Variants in CLDN10 observed in about 807,000 individuals in gnomAD.
CLDN10 encodes claudin-10.
In CLDN10, 15 loss-of-function variants were observed where a neutral mutation model predicts 22.9. The observed-to-expected ratio is 0.65, with a 90% CI of 0.44 to 1.01. The LOEUF is 1.01. Among genes scored for constraint, CLDN10 ranks in the 50% least tolerant of loss-of-function variants. The pLI, the probability that CLDN10 is intolerant of heterozygous loss-of-function variation, is 0.00. For missense variants in CLDN10, 247 were observed against 287.8 expected (o/e 0.86, Z 1.03); for synonymous variants, 114 against 111.4 (o/e 1.02, Z -0.15).
At chr13:95,520,906 A>G (rs1408429193) in intron 1 of CLDN10, among the ~76,000 whole-genome samples, 1 of 151,668 alleles carries the variant, frequency 6.6e-6, no homozygotes. Context: ...CGGAGACTGC[A>G]GTGAGCCGAG....
At chr13:95,506,079 G>C (rs1352370079) in intron 1 of CLDN10, among the ~76,000 whole-genome samples, 1 of 152,136 alleles carries the variant, frequency 6.6e-6, no homozygotes, top group African/African-American at 2.4e-5. Context: ...ATCCTTGATA[G>C]GGTAGGGTTA....
At chr13:95,553,182 G>A (rs1046548772) in intron 1 of CLDN10, among the ~76,000 whole-genome samples, 1 of 152,178 alleles carries the variant, frequency 6.6e-6, no homozygotes, top group African/African-American at 2.4e-5. Flanking sequence ...GCCTGTTCGA[G>A]CCTGGGACCC....
intron 1 of CLDN10, among the ~76,000 whole-genome samples, chr13:95,483,924 C>T (rs938088304): frequency 1.3e-5 from 2 of 152,088 alleles, no homozygotes; most frequent in African/African-American, 2.4e-5. Flanking sequence ...ATGGAGCCCT[C>T]GGGATGGGAT....
chr13:95,457,624 C>T (rs2042495628), intron 1 of CLDN10, among the ~76,000 whole-genome samples: 1 of 152,064 alleles, frequency 6.6e-6, no homozygotes. Flanking sequence ...TAGTTCTTCC[C>T]AGTTATCAGA....
At chr13:95,495,189 C>T (rs2042915435) in intron 1 of CLDN10, among the ~76,000 whole-genome samples, 1 of 151,814 alleles carries the variant, frequency 6.6e-6, no homozygotes, top group Non-Finnish European at 1.5e-5. Flanking sequence ...GAACATGCCA[C>T]AACCTCTGGC....
At chr13:95,492,947 C>T (rs941061264) in intron 1 of CLDN10, among the ~76,000 whole-genome samples, 6 of 152,184 alleles carry the variant, frequency 3.9e-5, no homozygotes, top group African/African-American at 7.2e-5. Flanking sequence ...TTCCGCTTCC[C>T]CAGTGGTGAT....
At chr13:95,503,045 G>T (rs959976584) in intron 1 of CLDN10, among the ~76,000 whole-genome samples, 2 of 152,212 alleles carry the variant, frequency 1.3e-5, no homozygotes, top group African/African-American at 4.8e-5. Flanking sequence ...TCTATCTTGT[G>T]GTAGGGTTAA....
chr13:95,514,253 T>C (rs2043137820), intron 1 of CLDN10, among the ~76,000 whole-genome samples: 2 of 152,072 alleles, frequency 1.3e-5, no homozygotes, highest in Admixed American at 1.3e-4. Flanking sequence ...AGGAAGACCC[T>C]GTCTCAGAAA....
chr13:95,545,158 TA>T (rs1206371825), intron 1 of CLDN10, among the ~76,000 whole-genome samples: 4 of 152,194 alleles, frequency 2.6e-5, no homozygotes, highest in Non-Finnish European at 5.9e-5. Context: ...TTCAGATTTA[TA>T]CATTTTTGAA....
intron 1 of CLDN10, among the ~76,000 whole-genome samples, chr13:95,538,849 C>T (rs1033334592): frequency 5.9e-5 from 9 of 152,148 alleles, no homozygotes; most frequent in African/African-American, 2.2e-4. Context: ...TTTTTAAGTA[C>T]TCAAGTTGTT....
chr13:95,503,620 A>T (rs1157391726), intron 1 of CLDN10, among the ~76,000 whole-genome samples: 1 of 152,232 alleles, frequency 6.6e-6, no homozygotes, highest in Non-Finnish European at 1.5e-5. Context: ...ATGGATAAAC[A>T]AAATGTCCTA....
chr13:95,522,530 G>A (rs767630714), intron 1 of CLDN10, among the ~76,000 whole-genome samples: 9 of 151,998 alleles, frequency 5.9e-5, no homozygotes, highest in Non-Finnish European at 1.0e-4. Flanking sequence ...CAAAGTAAAT[G>A]TTCCATGGAT....
chr13:95,555,498 C>T (rs769049359), intron 1 of CLDN10, among the ~76,000 whole-genome samples: 3 of 151,902 alleles, frequency 2.0e-5, no homozygotes, highest in Non-Finnish European at 4.4e-5. Context: ...TTTGTGGTTT[C>T]GATGATTTGT....
intron 1 of CLDN10, among the ~76,000 whole-genome samples, chr13:95,438,942 C>A (rs1003592685): frequency 7.1e-6 from 1 of 141,200 alleles, no homozygotes; most frequent in African/African-American, 2.7e-5. Flanking sequence ...TCGAGCTGCA[C>A]TCCAGCCTGG....
chr13:95,571,253 G>A (rs991013912), intron 3 of CLDN10, among the ~76,000 whole-genome samples: 1 of 152,060 alleles, frequency 6.6e-6, no homozygotes, highest in African/African-American at 2.4e-5. Context: ...TGCATGGAAG[G>A]ATAATGGGCA....
At position 95,434,394 on chromosome 13, in the gene CLDN10, C is replaced by T. The variant is rs564216992; in HGVS notation, c.214+347C>T. Among the ~76,000 whole-genome samples, 20 of 151,812 alleles carry T rather than the reference C, an allele frequency of 1.3e-4. No individual in the cohort carries two copies. In the East Asian group the frequency reaches 3.3e-3, roughly 25 times the overall value. On this transcript the variant is annotated intron_variant, in intron 1 of 4. Transcript: ENST00000376873. ...TCAGCACCCCTATGTAGGAAATGCTCTCATTGATTTAAACTTGTCTCTCCC... is the reference window on the plus strand; with the variant it reads ...TCAGCACCCCTATGTAGGAAATGCTTTCATTGATTTAAACTTGTCTCTCCC...
intron 1 of CLDN10, among the ~76,000 whole-genome samples, chr13:95,521,950 C>A (rs2043228020): frequency 6.6e-6 from 1 of 151,558 alleles, no homozygotes; most frequent in South Asian, 2.1e-4. Flanking sequence ...ATTTATTGAC[C>A]TTAAGTAATT....
chr13:95,446,229 C>G (rs1467559736), intron 1 of CLDN10, among the ~76,000 whole-genome samples: 6 of 152,190 alleles, frequency 3.9e-5, no homozygotes, highest in Non-Finnish European at 8.8e-5. Context: ...GCTGTAGAAC[C>G]CCTTCCTGCA....
At chr13:95,512,739 G>T (rs893966782) in intron 1 of CLDN10, among the ~76,000 whole-genome samples, 1 of 152,156 alleles carries the variant, frequency 6.6e-6, no homozygotes, top group Non-Finnish European at 1.5e-5. Context: ...GTGTGTCCAG[G>T]CTTACAACCC....
Sources: allele counts gnomAD v4.1 joint callset (sites outside exome capture counted in the v4.1 genomes callset), GRCh38; gene constraint gnomAD v4.1.1; transcripts MANE v1.5; gene names NCBI Gene and HGNC (gene_info 2026-07-23, HGNC 2026-07-21).